The following CRYZL1 variants were observed in gnomAD, a reference collection of about 807,000 sequenced individuals.
CRYZL1 encodes crystallin zeta like 1.
In CRYZL1, 34 loss-of-function variants were observed where a neutral mutation model predicts 50.6. The ratio of observed to expected loss-of-function variants is 0.67; its 90% CI spans 0.51 to 0.89. The LOEUF is 0.89. CRYZL1 is among the 40% of genes least tolerant of loss of function. The pLI, the probability that CRYZL1 is intolerant of heterozygous loss-of-function variation, is 0.00. For missense variants in CRYZL1, 354 were observed against 402.3 expected, an observed-to-expected ratio of 0.88 and a Z score of 1.03; for synonymous variants, 125 against 134.3, an observed-to-expected ratio of 0.93 and a Z score of 0.48.
chr21:33,602,310 A>G lies in CRYZL1; in HGVS notation c.501T>C (p.His167=). ...FGTIAIQLAH[H]RGAKVISTAC... is the part of the protein sequence containing the mutation. ...CTGTTGAAATCACTTTGGCTCCTCT[A>G]TGATGTGCTAACTGAATAGCTATTG... is the stretch of plus-strand genomic sequence containing the variant. The change falls in exon 8 of 13, where the codon CAT becomes CAC. Residue 167 remains histidine, a synonymous_variant. Transcript: ENST00000381554. The G allele has an allele frequency of 6.2e-7, 1 of 1,611,550 alleles. No homozygotes were observed. The highest frequency in any genetic ancestry group is 1.1e-5 in the South Asian group (1 of 91,042).
rs529020140 is a variant in CRYZL1, at chr21:33,637,144, T to C, written c.-7+4537A>G. 6.6e-5 allele frequency among the ~76,000 whole-genome samples: 10 copies of C among 152,238 alleles called. 1 individual carries two copies. In the South Asian group the frequency reaches 2.1e-3, roughly 32 times the overall value. On this transcript the variant is annotated intron_variant, in intron 1 of 12. Coordinates refer to ENST00000381554, the MANE Select transcript of CRYZL1 (RefSeq NM_145858.3). ...AACAAGATTTTGCTGTACTCTCTAGTCATCAAGAATAATTTAGATCGCTGG... is the reference window on the plus strand; with the variant it reads ...AACAAGATTTTGCTGTACTCTCTAGCCATCAAGAATAATTTAGATCGCTGG...
intron 1 of CRYZL1, chr21:33,641,272 GA>G: frequency 1.3e-6 from 2 of 1,550,294 alleles, no homozygotes; most frequent in Non-Finnish European, 1.7e-6. Flanking sequence ...ACTGCTTTCC[GA>G]AAACAGCAAA....
intron 6 of CRYZL1, among the ~76,000 whole-genome samples, chr21:33,605,527 A>ATTTTTTTTTTTTTTTTTTTT (rs1555904645): frequency 1.3e-3 from 19 of 14,830 alleles, no homozygotes; most frequent in East Asian, 4.2e-3. Flanking sequence ...CAGTACAAGA[A>ATTTTTTTTTTTTTTTTTTTT]TTCTTTTTTT....
chr21:33,591,794 C>G (rs1272424640), intron 11 of CRYZL1: 1 of 152,100 alleles, frequency 6.6e-6, no homozygotes, highest in Non-Finnish European at 1.5e-5. Flanking sequence ...AGGCTCTCTA[C>G]AAAAAAATTA....
At chr21:33,595,469 C>T (rs1327529156) in intron 11 of CRYZL1, 37 of 1,358,370 alleles carry the variant, frequency 2.7e-5, no homozygotes, top group East Asian at 3.9e-5. Flanking sequence ...GTGATTCTTG[C>T]TCCGCCACTT....
intron 6 of CRYZL1, among the ~76,000 whole-genome samples, chr21:33,605,861 T>C (rs375423690): frequency 5.3e-5 from 8 of 152,086 alleles, no homozygotes; most frequent in South Asian, 4.2e-4. Context: ...ATCAACTTTA[T>C]AACACTTTCA....
chr21:33,596,212 A>G (rs1403941079), intron 10 of CRYZL1: 12 of 482,220 alleles, frequency 2.5e-5, no homozygotes, highest in Non-Finnish European at 5.1e-5. Flanking sequence ...GAAAAATATA[A>G]CCTTGAGAGA....
At chr21:33,609,765 C>T (rs866184071) in intron 6 of CRYZL1, among the ~76,000 whole-genome samples, 13 of 151,954 alleles carry the variant, frequency 8.6e-5, no homozygotes, top group Admixed American at 5.9e-4. Flanking sequence ...TGCAGTGGCG[C>T]GATCTCGGCT....
intron 1 of CRYZL1, among the ~76,000 whole-genome samples, chr21:33,637,170 G>T (rs1218283056): frequency 6.6e-6 from 1 of 152,162 alleles, no homozygotes; most frequent in Non-Finnish European, 1.5e-5. Context: ...AGATCGCTGG[G>T]CGCGGTGGCT....
chr21:33,635,694 A>T (rs184373972), intron 1 of CRYZL1, among the ~76,000 whole-genome samples: 1 of 62,436 alleles, frequency 1.6e-5, no homozygotes, highest in South Asian at 5.9e-4. Context: ...AATATAAATT[A>T]AAATGTATAG....
intron 11 of CRYZL1, among the ~76,000 whole-genome samples, chr21:33,594,156 CTT>C (rs755337244): frequency 2.0e-4 from 28 of 138,306 alleles, no homozygotes; most frequent in East Asian, 1.0e-3. Context: ...TGGACATTTA[CTT>C]TTTTTTTTTT....
At chr21:33,591,247 A>G in intron 11 of CRYZL1, 40 bp from the exon 12 acceptor site, 1 of 1,542,820 alleles carries the variant, frequency 6.5e-7, no homozygotes, top group Non-Finnish European at 9.0e-7. Flanking sequence ...GTAAAGGAGA[A>G]TTAAATAAAA....
chr21:33,616,290 C>T (rs1352393201), intron 5 of CRYZL1: 1 of 153,310 alleles, frequency 6.5e-6, no homozygotes, highest in African/African-American at 2.4e-5. Flanking sequence ...GAAAGCATTT[C>T]TTTCTTTCTT....
intron 1 of CRYZL1, among the ~76,000 whole-genome samples, chr21:33,631,848 A>T (rs2087141157): frequency 6.6e-6 from 1 of 152,196 alleles, no homozygotes; most frequent in Non-Finnish European, 1.5e-5. Flanking sequence ...AAGAAGCCTT[A>T]TGATGGCCAG....
intron 1 of CRYZL1, chr21:33,640,221 T>C: frequency 1.9e-6 from 3 of 1,547,050 alleles, no homozygotes; most frequent in Non-Finnish European, 2.6e-6. Context: ...CTTAGAAATA[T>C]TTCATTGCAC....
chr21:33,640,108 G>A (rs1236055542), intron 1 of CRYZL1: 1 of 1,539,280 alleles, frequency 6.5e-7, no homozygotes, highest in East Asian at 2.5e-5. Flanking sequence ...TTACAGGCGT[G>A]AGCCACCACG....
At chr21:33,634,223 C>T (rs202207668) in intron 1 of CRYZL1, among the ~76,000 whole-genome samples, 2 of 152,094 alleles carry the variant, frequency 1.3e-5, no homozygotes, top group African/African-American at 2.4e-5. Flanking sequence ...ACAACATTTA[C>T]GTATTCCCTC....
At chr21:33,604,076 C>A (rs1029176425) in intron 6 of CRYZL1, among the ~76,000 whole-genome samples, 1 of 150,958 alleles carries the variant, frequency 6.6e-6, no homozygotes, top group African/African-American at 2.4e-5. Flanking sequence ...CACGGTGAAA[C>A]CCCGTCTCTG....
At chr21:33,616,079 C>A (rs868814547) in intron 5 of CRYZL1, among the ~76,000 whole-genome samples, 1 of 152,042 alleles carries the variant, frequency 6.6e-6, no homozygotes, top group Non-Finnish European at 1.5e-5. Flanking sequence ...TATCCCTCCC[C>A]CCCCCAACCC....
Sources: gnomAD v4.1 joint callset for allele counts (sites outside exome capture counted in the v4.1 genomes callset) on GRCh38, gnomAD v4.1.1 for gene constraint, MANE v1.5 for transcripts, NCBI Gene and HGNC (gene_info 2026-07-23, HGNC 2026-07-21) for gene names.